The following LMTK2 variants were observed in gnomAD, a reference collection of about 807,000 sequenced individuals.
LMTK2 encodes lemur tail kinase 2, also known as serine/threonine-protein kinase LMTK2.
In LMTK2, 37 loss-of-function variants were observed where a neutral mutation model predicts 127.5. The ratio of observed to expected loss-of-function variants is 0.29; its 90% CI spans 0.22 to 0.38. LMTK2 has a LOEUF of 0.38. LMTK2 is among the 10% of genes least tolerant of loss of function. The probability of loss-of-function intolerance (pLI) is 1.00; values close to 1 mark genes in which losing one functional copy is unlikely to be tolerated. For synonymous variants in LMTK2, 819 were observed against 810.1 expected (o/e 1.01, Z -0.19); for missense variants, 1,694 against 1,920.3 (o/e 0.88, Z 2.20).
At chr7:98,149,734 T>A (rs893391219) in intron 3 of LMTK2, among the ~76,000 whole-genome samples, 1 of 152,216 alleles carries the variant, frequency 6.6e-6, no homozygotes, top group Non-Finnish European at 1.5e-5. Context: ...AAAAGCATCA[T>A]TCACAAAAGG....
chr7:98,112,913 A>G (rs549816734), intron 1 of LMTK2, among the ~76,000 whole-genome samples: 8 of 152,230 alleles, frequency 5.3e-5, no homozygotes, highest in East Asian at 3.9e-4. Flanking sequence ...CTGGAGTGCA[A>G]TGGCACAATC....
At chr7:98,107,353 C>A in intron 1 of LMTK2, 73 bp downstream of exon 1, 1 of 404,986 alleles carries the variant, frequency 2.5e-6, no homozygotes, top group East Asian at 1.9e-4. Context: ...AGGGCCGGGC[C>A]GGCCTCGGCG....
Position 98,192,315 on chromosome 7 carries a change from G to A in LMTK2, c.1850G>A (p.Ser617Asn). 1.9e-6 allele frequency: 3 copies of A among 1,554,418 alleles called. No individual in the cohort carries two copies. The highest frequency in any genetic ancestry group is 2.6e-6 in the Non-Finnish European group (3 of 1,156,702). The change falls in exon 11 of 14, where the codon AGC becomes AAC. Residue 617 changes from serine (S) to asparagine (N), a missense_variant. Transcript: ENST00000297293. ...AGCAGTACAGACCCCAAAGACTCTAGCTTACCAGGGGACTTACACGTGACC... is the reference window on the plus strand; with the variant it reads ...AGCAGTACAGACCCCAAAGACTCTAACTTACCAGGGGACTTACACGTGACC... ...FQSSTDPKDS[S>N]LPGDLHVTSG... is the part of the protein sequence containing the mutation.
intron 1 of LMTK2, among the ~76,000 whole-genome samples, chr7:98,127,602 C>G (rs1375889963): frequency 7.9e-5 from 12 of 152,198 alleles, no homozygotes. Context: ...TGCCCTCATG[C>G]CTGTGTCTGT....
intron 9 of LMTK2, among the ~76,000 whole-genome samples, chr7:98,189,556 G>A (rs1310557644): frequency 1.3e-5 from 2 of 152,194 alleles, no homozygotes; most frequent in Non-Finnish European, 2.9e-5. Flanking sequence ...TGACCTAGCA[G>A]TGTGTGTGTT....
Position 98,205,893 on chromosome 7 carries a change from C to CAGAGGACACGTG in LMTK2, c.*404_*415dup, listed in dbSNP as rs1272825892. Reference sequence around the variant, plus strand: ...CATCCCGGCGCACGTGTGGGCACCACAGAGGACACGTGAGGGGAATGGTCA... The same window carrying CAGAGGACACGTG: ...CATCCCGGCGCACGTGTGGGCACCACAGAGGACACGTGAGAGGACACGTGAGGGGAATGGTCA... On this transcript the variant is annotated 3_prime_UTR_variant, in exon 14 of 14. Coordinates refer to ENST00000297293, the MANE Select transcript of LMTK2 (RefSeq NM_014916.4). 6.3e-5 allele frequency: 14 copies of CAGAGGACACGTG among 221,176 alleles called. No homozygotes were observed. The highest frequency in any genetic ancestry group is 1.1e-4 in the Non-Finnish European group (12 of 110,124). The allele number at this position is 221,176 out of a possible 1,614,324, so 13.7% of individuals were successfully genotyped here.
chr7:98,129,192 CT>C (rs1796486051), intron 1 of LMTK2, among the ~76,000 whole-genome samples: 1 of 152,158 alleles, frequency 6.6e-6, no homozygotes, highest in Non-Finnish European at 1.5e-5. Context: ...TCAAGCCATC[CT>C]CCCACCTCAG....
intron 5 of LMTK2, 42 bp downstream of exon 5, chr7:98,154,918 G>A: frequency 8.7e-7 from 1 of 1,143,666 alleles, no homozygotes; most frequent in Non-Finnish European, 1.3e-6. Context: ...CTAGTCTGTG[G>A]TCTGTTGAAG....
chr7:98,179,602 C>T (rs530803435), intron 7 of LMTK2, among the ~76,000 whole-genome samples: 21 of 148,498 alleles, frequency 1.4e-4, no homozygotes, highest in Non-Finnish European at 2.8e-4. Flanking sequence ...TCCCTCTCTC[C>T]CTCCCTCCCT....
chr7:98,203,792 T>G (rs1392007618), intron 12 of LMTK2, 86 bp downstream of exon 12: 1 of 1,584,704 alleles, frequency 6.3e-7, no homozygotes, highest in East Asian at 2.2e-5. Context: ...CCATGTTGCT[T>G]TAATGACGCC....
At chr7:98,168,325 C>T (rs886781562) in intron 6 of LMTK2, among the ~76,000 whole-genome samples, 5 of 152,042 alleles carry the variant, frequency 3.3e-5, no homozygotes, top group African/African-American at 4.8e-5. Context: ...TGCCAGTGGG[C>T]GGGGGGACCA....
At chr7:98,150,164 C>A (rs531812652) in intron 3 of LMTK2, among the ~76,000 whole-genome samples, 1 of 151,870 alleles carries the variant, frequency 6.6e-6, no homozygotes, top group Non-Finnish European at 1.5e-5. Flanking sequence ...AAAAAGTAGT[C>A]GGGCGTGGTA....
chr7:98,174,104 TAAAAAAAAAAA>T (rs11351887), intron 7 of LMTK2, among the ~76,000 whole-genome samples: 2 of 117,898 alleles, frequency 1.7e-5, no homozygotes, highest in African/African-American at 7.1e-5. Context: ...CATTTTGTTG[TAAAAAAAAAAA>T]AAAAAAAGAA....
intron 1 of LMTK2, among the ~76,000 whole-genome samples, chr7:98,133,055 A>G (rs897476902): frequency 1.1e-4 from 16 of 152,240 alleles, no homozygotes; most frequent in Admixed American, 8.5e-4. Context: ...CTAGGTAGCT[A>G]TTAAAATGCT....
intron 2 of LMTK2, among the ~76,000 whole-genome samples, chr7:98,138,891 C>T (rs956803720): frequency 3.0e-4 from 45 of 152,148 alleles, no homozygotes; most frequent in African/African-American, 9.4e-4. Flanking sequence ...GCGCAGGGGC[C>T]GCAGTGTCTT....
chr7:98,134,824 T>A (rs968379556), intron 1 of LMTK2, among the ~76,000 whole-genome samples: 7 of 152,212 alleles, frequency 4.6e-5, no homozygotes, highest in Admixed American at 4.6e-4. Context: ...GTTTTCCAAA[T>A]GGACACAAGT....
At chr7:98,110,389 G>A (rs946677061) in intron 1 of LMTK2, among the ~76,000 whole-genome samples, 41 of 152,032 alleles carry the variant, frequency 2.7e-4, no homozygotes, top group African/African-American at 8.5e-4. Flanking sequence ...CCCTACGCCC[G>A]CCCCGTCTAG....
chr7:98,209,216 A>G lies in LMTK2; in HGVS notation c.*3724A>G, dbSNP rs1347125060. ...GGGGTTGGCTCAAGTCTTTATTAAC[A>G]AAGAACATTCTCTTTCATCTATAAA... On this transcript the variant is annotated 3_prime_UTR_variant, in exon 14 of 14. Coordinates refer to ENST00000297293, the MANE Select transcript of LMTK2 (RefSeq NM_014916.4). 6.6e-6 allele frequency: 1 copy of G among 152,264 alleles called. No individual in the cohort carries two copies. Among genetic ancestry groups the G allele is most frequent in the African/African-American group, 2.4e-5 (1 of 41,474 alleles). 9.4% of individuals were successfully genotyped at this position (152,264 alleles called of 1,614,324 possible).
intron 7 of LMTK2, among the ~76,000 whole-genome samples, chr7:98,179,204 A>G (rs921832046): frequency 1.3e-5 from 2 of 152,226 alleles, no homozygotes; most frequent in African/African-American, 4.8e-5. Context: ...GTATCCAAAG[A>G]CCTACGTGGA....
Sources: allele counts gnomAD v4.1 joint callset (sites outside exome capture counted in the v4.1 genomes callset), GRCh38; gene constraint gnomAD v4.1.1; transcripts MANE v1.5; gene names NCBI Gene and HGNC (gene_info 2026-07-23, HGNC 2026-07-21).